The following LRRC69 variants were observed in gnomAD, a reference collection of about 807,000 sequenced individuals.
LRRC69 encodes leucine rich repeat containing 69, also known as leucine-rich repeat-containing protein 69.
LRRC69 carries 42 observed loss-of-function variants against 37.8 expected under a neutral mutation model. The ratio of observed to expected loss-of-function variants is 1.11; its 90% CI spans 0.87 to 1.44. The LOEUF is 1.44. Among genes scored for constraint, LRRC69 ranks in the 40% most tolerant of loss-of-function variants. The probability of loss-of-function intolerance (pLI) is 0.00; values close to 1 mark genes in which losing one functional copy is unlikely to be tolerated. For missense variants in LRRC69, 357 were observed against 401.9 expected, an observed-to-expected ratio of 0.89 and a Z score of 0.96; for synonymous variants, 141 against 143.1, an observed-to-expected ratio of 0.99 and a Z score of 0.11.
intron 6 of LRRC69, among the ~76,000 whole-genome samples, chr8:91,194,757 G>T (rs1293596388): frequency 6.6e-6 from 1 of 152,056 alleles, no homozygotes; most frequent in Admixed American, 6.6e-5. Flanking sequence ...AGTCTTGCTA[G>T]TGGTCTATCT....
chr8:91,200,864 A>G (rs1018190399), intron 7 of LRRC69, 72 bp downstream of exon 7: 15 of 1,331,490 alleles, frequency 1.1e-5, no homozygotes, highest in Non-Finnish European at 1.4e-5. Context: ...TAAATCAGTT[A>G]ATACTAACTA....
At chr8:91,197,032 C>T (rs1346337520) in intron 6 of LRRC69, among the ~76,000 whole-genome samples, 2 of 150,076 alleles carry the variant, frequency 1.3e-5, no homozygotes, top group Admixed American at 6.6e-5. Context: ...TGTGGATGTC[C>T]TTTCTGTTTG....
intron 5 of LRRC69, among the ~76,000 whole-genome samples, chr8:91,180,222 T>C (rs1280984325): frequency 2.6e-5 from 4 of 152,164 alleles, no homozygotes; most frequent in Non-Finnish European, 5.9e-5. Context: ...GGGTCTCTCA[T>C]GAGTTGTAAT....
At chr8:91,154,789 A>G (rs1483094566) in intron 5 of LRRC69, among the ~76,000 whole-genome samples, 1 of 151,856 alleles carries the variant, frequency 6.6e-6, no homozygotes, top group Non-Finnish European at 1.5e-5. Context: ...GAAAAGCTGG[A>G]AGCATTTCCT....
Position 91,200,608 on chromosome 8 carries a change from T to A in LRRC69, c.754-5T>A, listed in dbSNP as rs1809694875. 2 of 1,430,624 alleles carry A rather than the reference T, an allele frequency of 1.4e-6. No homozygotes were observed. The highest frequency in any genetic ancestry group is 3.5e-5 in the Admixed American group (1 of 28,638). The allele number at this position is 1,430,624 out of a possible 1,614,324, so 88.6% of individuals were successfully genotyped here. ...TGAGGAACTGTATTTTTTTTTTCAA[T>A]TTAGGAAATAACATCAAGATTTGTA... On this transcript the variant is annotated splice_region_variant and splice_polypyrimidine_tract_variant and intron_variant, in intron 6 of 7. Coordinates refer to ENST00000448384, the Ensembl canonical transcript of LRRC69.
Position 91,166,806 on chromosome 8 carries a change from T to G in LRRC69, c.652-22716T>G, listed in dbSNP as rs1226202486. 2.0e-5 allele frequency among the ~76,000 whole-genome samples: 3 copies of G among 151,846 alleles called. 1 individual carries two copies. In the East Asian group the frequency reaches 5.8e-4, roughly 29 times the overall value. On this transcript the variant is annotated intron_variant, in intron 5 of 7. Coordinates refer to ENST00000448384, the Ensembl canonical transcript of LRRC69. The stretch of plus-strand genomic sequence containing the variant: ...AGAGTCAGTCCAGTACTACCCGTCC[T>G]CATATAAAAAGAACAAGATTTATGC...
intron 5 of LRRC69, chr8:91,157,234 C>T (rs537979001): frequency 1.6e-6 from 2 of 1,283,316 alleles, no homozygotes; most frequent in African/African-American, 2.9e-5. Context: ...ATTATGAATT[C>T]TGACATTAGA....
intron 5 of LRRC69, among the ~76,000 whole-genome samples, chr8:91,176,441 G>A (rs1362254771): frequency 2.6e-5 from 4 of 151,960 alleles, no homozygotes; most frequent in African/African-American, 9.7e-5. Context: ...CACTGTGCCC[G>A]GCCTCTAGGA....
chr8:91,155,943 A>G (rs1368040346), intron 5 of LRRC69, among the ~76,000 whole-genome samples: 9 of 149,962 alleles, frequency 6.0e-5, no homozygotes. Flanking sequence ...CACCATATAT[A>G]TATATGAAAC....
At chr8:91,153,713 C>A (rs1808782646) in intron 5 of LRRC69, among the ~76,000 whole-genome samples, 1 of 151,874 alleles carries the variant, frequency 6.6e-6, no homozygotes, top group African/African-American at 2.4e-5. Flanking sequence ...GCAGCTAAAG[C>A]AGTGATAAGA....
chr8:91,123,580 C>G (rs1370868370), intron 1 of LRRC69, among the ~76,000 whole-genome samples: 1 of 151,824 alleles, frequency 6.6e-6, no homozygotes, highest in Admixed American at 6.6e-5. Flanking sequence ...CAGTTTTCTT[C>G]TTAATTTTTT....
At chr8:91,135,231 A>G (rs1048869656) in intron 4 of LRRC69, among the ~76,000 whole-genome samples, 4 of 152,062 alleles carry the variant, frequency 2.6e-5, no homozygotes. Flanking sequence ...GCCTAGCTGT[A>G]GGGAATGGGG....
At chr8:91,196,398 C>T (rs1809601533) in intron 6 of LRRC69, among the ~76,000 whole-genome samples, 1 of 151,812 alleles carries the variant, frequency 6.6e-6, no homozygotes, top group Non-Finnish European at 1.5e-5. Flanking sequence ...GCCTGCCTTG[C>T]TAGATTGGGG....
intron 1 of LRRC69, among the ~76,000 whole-genome samples, chr8:91,116,278 A>T (rs1813509131): frequency 6.6e-6 from 1 of 151,938 alleles, no homozygotes; most frequent in Non-Finnish European, 1.5e-5. Flanking sequence ...ACTGTCTCTA[A>T]TCCTTAAGAC....
intron 6 of LRRC69, among the ~76,000 whole-genome samples, chr8:91,198,970 A>T (rs1809667877): frequency 6.6e-6 from 1 of 152,232 alleles, no homozygotes; most frequent in Non-Finnish European, 1.5e-5. Flanking sequence ...TAGTTGATGT[A>T]AGAGCTGTCA....
At chr8:91,104,470 A>G (rs1201975856) in intron 1 of LRRC69, among the ~76,000 whole-genome samples, 1 of 151,942 alleles carries the variant, frequency 6.6e-6, no homozygotes. Context: ...TTTCTTTCTT[A>G]TATGCCATTT....
chr8:91,201,599 G>A lies in LRRC69; in HGVS notation c.933+807G>A, dbSNP rs113866050. On this transcript the variant is annotated intron_variant, in intron 7 of 7. Coordinates refer to ENST00000448384, the Ensembl canonical transcript of LRRC69. ...ACAGGAGGTGGGTCAAATTTGGCCT[G>A]GGGACCATAGTTTTCCCACACTTGT... Among the ~76,000 whole-genome samples, 637 of 151,822 alleles carry A rather than the reference G, an allele frequency of 4.2e-3. 2 individuals carry two copies. The highest frequency in any genetic ancestry group is 0.014 in the African/African-American group (599 of 41,348).
intron 5 of LRRC69, among the ~76,000 whole-genome samples, chr8:91,137,802 T>C (rs1033637432): frequency 1.3e-5 from 2 of 152,010 alleles, no homozygotes; most frequent in Non-Finnish European, 2.9e-5. Context: ...ATTAAAAATA[T>C]GGCACAACTG....
At chr8:91,154,738 C>G (rs990664534) in intron 5 of LRRC69, among the ~76,000 whole-genome samples, 15 of 151,708 alleles carry the variant, frequency 9.9e-5, no homozygotes, top group Middle Eastern at 3.4e-3. Context: ...ATAATAAGAA[C>G]TATTTATGAC....
Sources: allele counts gnomAD v4.1 joint callset (sites outside exome capture counted in the v4.1 genomes callset), GRCh38; gene constraint gnomAD v4.1.1; transcripts MANE v1.5; gene names NCBI Gene and HGNC (gene_info 2026-07-23, HGNC 2026-07-21).